Variants in FGR observed in about 807,000 individuals in gnomAD.
FGR encodes tyrosine-protein kinase Fgr.
Under a neutral mutation model 63.2 loss-of-function variants are expected in FGR, and 26 were observed. The ratio of observed to expected loss-of-function variants is 0.41; its 90% CI spans 0.30 to 0.57. The LOEUF (loss-of-function observed/expected upper bound fraction) is 0.57. Among genes scored for constraint, FGR ranks in the 20% least tolerant of loss-of-function variants. The pLI, the probability that FGR is intolerant of heterozygous loss-of-function variation, is 0.27. For missense variants in FGR, 511 were observed against 690.8 expected (o/e 0.74, Z 2.92); for synonymous variants, 286 against 277.7 (o/e 1.03, Z -0.30).
At chr1:27,629,185 G>GGTATGC (rs1424271173) in intron 1 of FGR, among the ~76,000 whole-genome samples, 1 of 151,794 alleles carries the variant, frequency 6.6e-6, no homozygotes, top group Non-Finnish European at 1.5e-5. Context: ...AACACAGCGT[G>GGTATGC]GTATGCTGGT....
In FGR at chr1:27,615,603, G is replaced by A. The variant is rs201375410; in HGVS notation, c.849C>T (p.Asn283=). Residue 283 remains asparagine (N), a synonymous_variant, in exon 9 of 13, where the codon AAC becomes AAT. Coordinates refer to ENST00000374005, the MANE Select transcript of FGR (RefSeq NM_005248.3). The surrounding 1 kb of genome is among the most constrained non-coding windows in gnomAD (Gnocchi z 7.6). ...CFGDVWLGTW[N]GSTKVAVKTL... ...TCTTCACCGCCACCTTAGTGCTGCC[G>A]TTCCACGTGCCTGCTCGGAGGCTGT... is the stretch of plus-strand genomic sequence containing the variant. 5.6e-6 allele frequency: 9 copies of A among 1,608,840 alleles called. No homozygotes were observed. In the East Asian group the frequency reaches 1.8e-4, roughly 32 times the overall value.
Position 27,617,729 on chromosome 1 carries a change from G to A in FGR, c.429-433C>T, listed in dbSNP as rs1156251752. On this transcript the variant is annotated intron_variant, in intron 5 of 12. Coordinates refer to ENST00000374005, the MANE Select transcript of FGR (RefSeq NM_005248.3). The surrounding 1 kb of genome is among the most constrained non-coding windows in gnomAD (Gnocchi z 4.5). The stretch of plus-strand genomic sequence containing the variant: ...TCTTTTTTCACCACTCCAGTAATCA[G>A]ATCACTCAGATCCTTCTCCCACCTC... 1.3e-5 allele frequency among the ~76,000 whole-genome samples: 2 copies of A among 152,132 alleles called. No individual in the cohort carries two copies. The highest frequency in any genetic ancestry group is 1.9e-4 in the East Asian group (1 of 5,200).
intron 11 of FGR, among the ~76,000 whole-genome samples, chr1:27,613,694 CAAAAAAAAA>C (rs56363244): frequency 8.1e-4 from 60 of 74,224 alleles, no homozygotes; most frequent in East Asian, 6.0e-3. Context: ...GACTCCATCT[CAAAAAAAAA>C]AAAAAAAAAA....
rs1308458105 is a variant in FGR, at chr1:27,616,415, T to C, written c.682+442A>G. On this transcript the variant is annotated intron_variant, in intron 7 of 12. Coordinates refer to ENST00000374005, the MANE Select transcript of FGR (RefSeq NM_005248.3). This position sits in a 1 kb window ranked among gnomAD's most constrained non-coding sequence, Gnocchi z 4.3. ...CTGGACAACAGCCACTGCCTTCTAA[T>C]GGACCCCTCACTCTGCCTTGGCCCC... 6.6e-6 allele frequency among the ~76,000 whole-genome samples: 1 copy of C among 152,198 alleles called. No individual in the cohort carries two copies.
chr1:27,627,065 C>T (rs898677442), intron 1 of FGR, among the ~76,000 whole-genome samples: 2 of 151,916 alleles, frequency 1.3e-5, no homozygotes, highest in Non-Finnish European at 2.9e-5. Flanking sequence ...CCCAGCTACT[C>T]GGGAGGCTGA....
intron 11 of FGR, 90 bp from the exon 12 acceptor site, chr1:27,613,440 C>T (rs190391459): frequency 1.3e-5 from 19 of 1,438,624 alleles, no homozygotes; most frequent in Admixed American, 9.5e-5. Flanking sequence ...CAGTGGCTCA[C>T]GTCTGTAATC....
chr1:27,633,918 C>T (rs1398065690), intron 1 of FGR, among the ~76,000 whole-genome samples: 1 of 152,158 alleles, frequency 6.6e-6, no homozygotes, highest in East Asian at 1.9e-4. Context: ...CATTTCTCAC[C>T]ATAGTTCAGA....
intron 1 of FGR, among the ~76,000 whole-genome samples, chr1:27,628,040 G>C (rs920279512): frequency 3.9e-5 from 6 of 151,908 alleles, no homozygotes; most frequent in Non-Finnish European, 8.8e-5. Context: ...GGATTGCTTG[G>C]GTCCAGGAAT....
At position 27,616,133 on chromosome 1, in the gene FGR, T is replaced by C. The variant is rs147824962; in HGVS notation, c.683-289A>G. On this transcript the variant is annotated intron_variant, in intron 7 of 12. Transcript: ENST00000374005. The surrounding 1 kb of genome is among the most constrained non-coding windows in gnomAD (Gnocchi z 4.3). ...TCCAGCTGGGCCTTGAAGGATAAGG[T>C]GGGATTCTCACAGGTGGAAATGGGG... 6.6e-6 allele frequency among the ~76,000 whole-genome samples: 1 copy of C among 152,074 alleles called. No homozygotes were observed. Among genetic ancestry groups the C allele is most frequent in the Non-Finnish European group, 1.5e-5 (1 of 67,948 alleles).
At chr1:27,621,700 C>T (rs2089930314) in intron 4 of FGR, 43 bp from the exon 5 acceptor site, 2 of 1,467,312 alleles carry the variant, frequency 1.4e-6, no homozygotes, top group Non-Finnish European at 1.9e-6. Flanking sequence ...ACCTCCAGCC[C>T]CCAAGGCACC....
chr1:27,623,825 G>T lies in FGR; in HGVS notation c.92C>A (p.Ala31Glu). 1.9e-6 allele frequency: 3 copies of T among 1,614,216 alleles called. No homozygotes were observed. The highest frequency in any genetic ancestry group is 2.5e-6 in the Non-Finnish European group (3 of 1,180,030). The change falls in exon 3 of 13, where the codon GCA (alanine) becomes GAA (glutamate). Residue 31 changes from alanine to glutamate, a missense_variant. By Grantham distance (107) the Ala-to-Glu change is moderately radical. Transcript: ENST00000374005. ...LEGDFRSYGA[A>E]DHYGPDPTKA... The stretch of plus-strand genomic sequence containing the variant: ...AGTGGGGTCAGGCCCATAGTGGTCT[G>T]CTGCCCCGTAGCTTCTGAAGTCCCC...
intron 11 of FGR, 113 bp downstream of exon 11, chr1:27,614,317 G>C (rs890242961): frequency 8.1e-7 from 1 of 1,236,692 alleles, no homozygotes; most frequent in Admixed American, 2.4e-5. Flanking sequence ...TACTACATCA[G>C]GATGGGGCGA....
At chr1:27,625,023 G>A (rs578064140) in intron 2 of FGR, 66 bp downstream of exon 2, 1 of 152,738 alleles carries the variant, frequency 6.5e-6, no homozygotes, top group South Asian at 2.1e-4. Context: ...GAGGAGTTGT[G>A]GGGTTCAGGA....
intron 3 of FGR, 38 bp from the exon 4 acceptor site, chr1:27,623,182 G>T: frequency 8.0e-6 from 12 of 1,508,538 alleles, no homozygotes; most frequent in Non-Finnish European, 1.1e-5. Context: ...TAGGGCATGG[G>T]GCAGAAGCAC....
At chr1:27,627,050 G>A (rs1478285472) in intron 1 of FGR, among the ~76,000 whole-genome samples, 2 of 152,048 alleles carry the variant, frequency 1.3e-5, no homozygotes, top group Admixed American at 6.5e-5. Flanking sequence ...GCACCCACCT[G>A]TAGTCCCAGC....
chr1:27,631,712 G>A (rs912840693), intron 1 of FGR, among the ~76,000 whole-genome samples: 6 of 152,188 alleles, frequency 3.9e-5, no homozygotes, highest in African/African-American at 7.2e-5. Flanking sequence ...TGGCAGTGAC[G>A]GTGTGGGACC....
At chr1:27,630,631 C>T (rs72655018) in intron 1 of FGR, among the ~76,000 whole-genome samples, 5,405 of 152,190 alleles carry the variant, frequency 0.036, 158 homozygotes, top group Non-Finnish European at 0.059. Flanking sequence ...CAGGCAGTCG[C>T]TGAATCTGAA....
intron 5 of FGR, among the ~76,000 whole-genome samples, chr1:27,620,670 G>C (rs546611064): frequency 6.6e-6 from 1 of 151,438 alleles, no homozygotes; most frequent in East Asian, 1.9e-4. Flanking sequence ...GAACCAAGGA[G>C]ATAAATACTT....
rs550754401 is a variant in FGR at position 27,628,196 on chromosome 1, C to A, written c.-76-3045G>T. ...CAAAAAAAAAAAAAACAAAAAAAAA[C>A]CAAAAAAACTCCAAAAATTAGCTTG... On this transcript the variant is annotated intron_variant, in intron 1 of 12. Transcript: ENST00000374005. 5.9e-3 allele frequency among the ~76,000 whole-genome samples: 873 copies of A among 147,216 alleles called. 4 individuals are homozygous for A. The highest frequency in any genetic ancestry group is 0.01 in the Middle Eastern group (3 of 288).
Sources: gnomAD v4.1 joint callset for allele counts (sites outside exome capture counted in the v4.1 genomes callset) on GRCh38, gnomAD v4.1.1 for gene constraint, Gnocchi (gnomAD v3.1) non-coding constraint, MANE v1.5 for transcripts, NCBI Gene and HGNC (gene_info 2026-07-23, HGNC 2026-07-21) for gene names.